Variants in PACRG observed in about 807,000 individuals in gnomAD.
PACRG encodes parkin coregulated gene protein.
A neutral mutation model predicts 29.7 loss-of-function variants in PACRG; 29 were observed. The ratio of observed to expected loss-of-function variants is 0.98; its 90% CI spans 0.73 to 1.33. The LOEUF (loss-of-function observed/expected upper bound fraction) is 1.33. Ranked by LOEUF, PACRG falls within the 40% of genes most tolerant of loss-of-function variation. PACRG has a pLI of 0.00. For synonymous variants in PACRG, 116 were observed against 118.7 expected (o/e 0.98, Z 0.15); for missense variants, 279 against 316.2 (o/e 0.88, Z 0.89).
chr6:163,189,060 T>C (rs1332138010), intron 4 of PACRG, among the ~76,000 whole-genome samples: 1 of 152,108 alleles, frequency 6.6e-6, no homozygotes, highest in African/African-American at 2.4e-5. Flanking sequence ...ATGTCAAAGG[T>C]GGTTGGGGAA....
At chr6:162,764,050 C>T (rs1429183351) in intron 1 of PACRG, among the ~76,000 whole-genome samples, 1 of 152,086 alleles carries the variant, frequency 6.6e-6, no homozygotes, top group Non-Finnish European at 1.5e-5. Flanking sequence ...GCGATGTGGG[C>T]AGATCACGAG....
intron 2 of PACRG, among the ~76,000 whole-genome samples, chr6:162,942,619 A>G (rs1363136569): frequency 2.6e-5 from 4 of 151,892 alleles, no homozygotes; most frequent in African/African-American, 9.7e-5. Context: ...AACTCTTCAC[A>G]TTTTCCTCTT....
intron 4 of PACRG, among the ~76,000 whole-genome samples, chr6:163,247,201 G>C (rs1374095682): frequency 6.6e-6 from 1 of 152,104 alleles, no homozygotes; most frequent in East Asian, 1.9e-4. Flanking sequence ...AGAATTAAAG[G>C]GAGTTTCATA....
intron 4 of PACRG, among the ~76,000 whole-genome samples, chr6:163,173,307 C>T (rs1489239137): frequency 2.0e-5 from 3 of 152,160 alleles, no homozygotes; most frequent in Non-Finnish European, 4.4e-5. Flanking sequence ...ACAATATAAA[C>T]CTCTATTCCA....
At chr6:163,149,158 C>G (rs1777961602) in intron 4 of PACRG, among the ~76,000 whole-genome samples, 1 of 151,964 alleles carries the variant, frequency 6.6e-6, no homozygotes, top group South Asian at 2.1e-4. Context: ...GCAGACCGAA[C>G]CCTCGCTGTC....
At chr6:162,782,358 A>G (rs2128314905) in intron 1 of PACRG, among the ~76,000 whole-genome samples, 1 of 152,042 alleles carries the variant, frequency 6.6e-6, no homozygotes, top group Non-Finnish European at 1.5e-5. Context: ...AATTATTATA[A>G]CAAACATTTT....
At chr6:162,903,151 C>T (rs1382400269) in intron 2 of PACRG, among the ~76,000 whole-genome samples, 4 of 152,086 alleles carry the variant, frequency 2.6e-5, no homozygotes, top group African/African-American at 4.8e-5. Context: ...GAATTTTTCT[C>T]CCATACTACA....
At chr6:163,277,957 T>G (rs548378896) in intron 4 of PACRG, among the ~76,000 whole-genome samples, 15 of 152,280 alleles carry the variant, frequency 9.9e-5, no homozygotes, top group African/African-American at 3.6e-4. Flanking sequence ...CCACCAACAA[T>G]GTAAAACTGT....
At chr6:162,957,983 T>C (rs548967936) in intron 2 of PACRG, among the ~76,000 whole-genome samples, 2 of 152,316 alleles carry the variant, frequency 1.3e-5, no homozygotes, top group East Asian at 3.9e-4. Flanking sequence ...TTAAAGGTAT[T>C]AACATTTTTT....
intron 1 of PACRG, among the ~76,000 whole-genome samples, chr6:162,745,395 G>A (rs1780909686): frequency 6.6e-6 from 1 of 151,972 alleles, no homozygotes; most frequent in South Asian, 2.1e-4. Context: ...GGGATGTGGG[G>A]TGAGGGGAGG....
rs1790529260 is a variant in PACRG at position 162,847,790 on chromosome 6, G to A, written c.291+33509G>A. On this transcript the variant is annotated intron_variant, in intron 2 of 4. Transcript: ENST00000366888. ...TAACCTGAACAAGGAGCTACTAGGG[G>A]CAGGGCTCAGGAGGAGGATAGAAGT... 2.6e-5 allele frequency among the ~76,000 whole-genome samples: 4 copies of A among 152,158 alleles called. No homozygotes were observed. In the South Asian group the frequency reaches 8.3e-4, roughly 32 times the overall value.
In PACRG at chr6:162,909,185, T is replaced by C. The variant is rs146872410; in HGVS notation, c.291+94904T>C. 4.2e-4 allele frequency among the ~76,000 whole-genome samples: 64 copies of C among 152,286 alleles called. No individual in the cohort carries two copies. In the East Asian group the frequency reaches 0.012, roughly 28 times the overall value. On this transcript the variant is annotated intron_variant, in intron 2 of 4. Coordinates refer to ENST00000366888, the MANE Select transcript of PACRG (RefSeq NM_001080379.2). ...ACTTTCCACTTCACAAGCCTTACTC[T>C]TTCTCATAACAAAGGCTTTTCCCAA... is the stretch of plus-strand genomic sequence containing the variant.
At chr6:162,978,260 T>A (rs558319687) in intron 2 of PACRG, among the ~76,000 whole-genome samples, 19 of 152,334 alleles carry the variant, frequency 1.2e-4, no homozygotes, top group African/African-American at 4.6e-4. Flanking sequence ...AAGAAAATAT[T>A]GTGTTTTATA....
At chr6:163,141,317 G>A (rs1183939886) in intron 4 of PACRG, among the ~76,000 whole-genome samples, 1 of 152,094 alleles carries the variant, frequency 6.6e-6, no homozygotes, top group Non-Finnish European at 1.5e-5. Context: ...AATTACAGCC[G>A]AAGTGAGTAC....
At chr6:163,188,429 T>C (rs1780054320) in intron 4 of PACRG, among the ~76,000 whole-genome samples, 2 of 152,196 alleles carry the variant, frequency 1.3e-5, no homozygotes, top group South Asian at 2.1e-4. Context: ...AAATCTAACG[T>C]CATCTCTTAG....
chr6:163,312,754 TTTTG>T (rs780583672), intron 4 of PACRG: 14 of 440,122 alleles, frequency 3.2e-5, no homozygotes, highest in East Asian at 1.6e-4. Flanking sequence ...ATTCTTTTTG[TTTTG>T]TTTGTTTGTT....
At chr6:162,817,584 T>C (rs1787466404) in intron 2 of PACRG, among the ~76,000 whole-genome samples, 1 of 152,210 alleles carries the variant, frequency 6.6e-6, no homozygotes, top group Non-Finnish European at 1.5e-5. Context: ...TCTAATATGG[T>C]ACAATTGGCC....
intron 2 of PACRG, among the ~76,000 whole-genome samples, chr6:162,967,263 T>C (rs1321677778): frequency 6.6e-6 from 1 of 150,514 alleles, no homozygotes; most frequent in Non-Finnish European, 1.5e-5. Context: ...AAAAAAAACC[T>C]TTCAGGTATC....
chr6:162,830,923 C>G (rs933217288), intron 2 of PACRG, among the ~76,000 whole-genome samples: 3 of 152,186 alleles, frequency 2.0e-5, no homozygotes, highest in African/African-American at 7.2e-5. Flanking sequence ...TGAATTTACT[C>G]ATTTATTCAA....
Sources: gnomAD v4.1 joint callset for allele counts (sites outside exome capture counted in the v4.1 genomes callset) on GRCh38, gnomAD v4.1.1 for gene constraint, MANE v1.5 for transcripts, NCBI Gene and HGNC (gene_info 2026-07-23, HGNC 2026-07-21) for gene names.